PPP4R3A: variants seen among roughly 807,000 people sequenced by gnomAD.
PPP4R3A encodes serine/threonine-protein phosphatase 4 regulatory subunit 3A.
In PPP4R3A, 15 loss-of-function variants were observed where a neutral mutation model predicts 91.7. The observed-to-expected ratio is 0.16, with a 90% CI of 0.11 to 0.25. PPP4R3A has a LOEUF of 0.25. PPP4R3A is among the 10% of genes least tolerant of loss of function. PPP4R3A has a pLI of 1.00. For missense variants in PPP4R3A, 623 were observed against 998.4 expected, an observed-to-expected ratio of 0.62 and a Z score of 5.07; for synonymous variants, 377 against 348.7, an observed-to-expected ratio of 1.08 and a Z score of -0.91.
intron 2 of PPP4R3A, among the ~76,000 whole-genome samples, chr14:91,490,277 A>G (rs1890160923): frequency 6.6e-6 from 1 of 152,224 alleles, no homozygotes; most frequent in Non-Finnish European, 1.5e-5. Flanking sequence ...TGTACTGTGA[A>G]GTACAGTTAC....
intron 4 of PPP4R3A, among the ~76,000 whole-genome samples, chr14:91,481,344 TC>T (rs1464156903): frequency 6.6e-6 from 1 of 152,078 alleles, no homozygotes; most frequent in Non-Finnish European, 1.5e-5. Flanking sequence ...ATCCAAAAAA[TC>T]ATCCCCTCAT....
chr14:91,458,873 TTAAGAAA>T lies in PPP4R3A; in HGVS notation c.2392-11_2392-5del, dbSNP rs748955565. On this transcript the variant is annotated splice_polypyrimidine_tract_variant and splice_region_variant and intron_variant, in intron 14 of 14. Transcript: ENST00000554943. ...CTACCAGACCCACGAGGCCTCCCTG[TTAAGAAA>T]TAAGGATTATTTAAAGAACAGAAAA... The T allele has an allele frequency of 6.2e-7, 1 of 1,602,100 alleles. No homozygotes were observed. Among genetic ancestry groups the T allele is most frequent in the South Asian group, 1.1e-5 (1 of 89,554 alleles).
chr14:91,461,346 GA>G (rs761195752), intron 14 of PPP4R3A, 34 bp downstream of exon 14: 4 of 1,578,240 alleles, frequency 2.5e-6, no homozygotes, highest in South Asian at 1.1e-5. Flanking sequence ...CTTCAATTGG[GA>G]AAAAAGGGGG....
In PPP4R3A at chr14:91,485,515, C is replaced by G; in HGVS notation, c.297+117G>C. 5.7e-6 allele frequency: 4 copies of G among 699,954 alleles called. No homozygotes were observed. In the South Asian group the frequency reaches 5.7e-5, roughly 10 times the overall value. 43.4% of individuals were successfully genotyped at this position (699,954 alleles called of 1,614,324 possible). A position where few individuals can be genotyped will look rare whatever the true frequency, so the allele number is the denominator to read the frequency against. ...TCCTTTAAATCAAGTTCAAAGACAG[C>G]AGTGAATTTAAAAGATCAATTTGAA... On this transcript the variant is annotated intron_variant, in intron 3 of 14. Transcript: ENST00000554943.
At chr14:91,505,397 C>T (rs1273385177) in intron 1 of PPP4R3A, among the ~76,000 whole-genome samples, 2 of 151,168 alleles carry the variant, frequency 1.3e-5, no homozygotes, top group African/African-American at 4.9e-5. Flanking sequence ...TTGCAGTGAG[C>T]CAAGATGATG....
chr14:91,496,430 G>A (rs1208589045), intron 1 of PPP4R3A, among the ~76,000 whole-genome samples: 2 of 152,184 alleles, frequency 1.3e-5, no homozygotes, highest in African/African-American at 4.8e-5. Flanking sequence ...AAACACGGCA[G>A]TGCAGTGGTA....
chr14:91,473,848 T>TAC (rs34156708), intron 7 of PPP4R3A, among the ~76,000 whole-genome samples: 74,562 of 151,854 alleles, frequency 0.49, 18,615 homozygotes, highest in Admixed American at 0.53. Flanking sequence ...CTCGTCTTAC[T>TAC]AACCTCCACC....
intron 1 of PPP4R3A, among the ~76,000 whole-genome samples, chr14:91,500,786 C>G (rs559260142): frequency 1.3e-5 from 2 of 152,144 alleles, no homozygotes; most frequent in African/African-American, 4.8e-5. Flanking sequence ...CTTTGGAAAG[C>G]TGAGGTGGGT....
intron 1 of PPP4R3A, among the ~76,000 whole-genome samples, chr14:91,492,199 A>G (rs545182912): frequency 6.6e-6 from 1 of 152,114 alleles, no homozygotes; most frequent in Non-Finnish European, 1.5e-5. Flanking sequence ...CCTCTTATCA[A>G]CCAGTTCTAG....
chr14:91,496,783 C>T (rs1595083855), intron 1 of PPP4R3A, among the ~76,000 whole-genome samples: 1 of 152,088 alleles, frequency 6.6e-6, no homozygotes, highest in Non-Finnish European at 1.5e-5. Flanking sequence ...GCTAGAACAC[C>T]GGAAAGTCTT....
intron 3 of PPP4R3A, among the ~76,000 whole-genome samples, chr14:91,485,335 GAT>G (rs1305927359): frequency 6.6e-6 from 1 of 152,204 alleles, no homozygotes; most frequent in African/African-American, 2.4e-5. Context: ...AGATGGGATA[GAT>G]ATATGTGAGA....
intron 1 of PPP4R3A, 143 bp downstream of exon 1, chr14:91,509,363 G>A: frequency 2.5e-6 from 3 of 1,182,906 alleles, no homozygotes; most frequent in Non-Finnish European, 3.5e-6. Flanking sequence ...TGGGGTACCT[G>A]GGGCCCGTCC....
At position 91,459,110 on chromosome 14, in the gene PPP4R3A, A is replaced by AT. The variant is rs200397668; in HGVS notation, c.2392-242dup. 6.4e-3 allele frequency among the ~76,000 whole-genome samples: 970 copies of AT among 150,822 alleles called. 5 individuals carry two copies. Among genetic ancestry groups the AT allele is most frequent in the African/African-American group, 0.019 (786 of 41,120 alleles). On this transcript the variant is annotated intron_variant, in intron 14 of 14. Coordinates refer to ENST00000554943, the MANE Select transcript of PPP4R3A (RefSeq NM_001366432.2). Reference sequence around the variant, plus strand: ...TGAGTTAATTAGAATTAAAGCAAAAATTTTTTTTTTCCAAGTCGGAGTCTC... The same window carrying AT: ...TGAGTTAATTAGAATTAAAGCAAAAATTTTTTTTTTTCCAAGTCGGAGTCTC...
intron 10 of PPP4R3A, among the ~76,000 whole-genome samples, chr14:91,470,003 A>G (rs1255871168): frequency 6.6e-6 from 1 of 152,152 alleles, no homozygotes. Context: ...GCAAAAATGG[A>G]TATATATTCA....
At chr14:91,476,608 G>A (rs781176820) in intron 5 of PPP4R3A, 84 bp from the exon 6 acceptor site, 11 of 1,003,222 alleles carry the variant, frequency 1.1e-5, no homozygotes, top group Admixed American at 5.2e-5. Flanking sequence ...TCTTGTTGCC[G>A]ACGCTGGAGT....
At chr14:91,466,303 G>A in intron 10 of PPP4R3A, 1 of 985,782 alleles carries the variant, frequency 1.0e-6, no homozygotes, top group Non-Finnish European at 1.2e-6. Flanking sequence ...ATTAAATATT[G>A]TGTTTGTATT....
intron 6 of PPP4R3A, 68 bp from the exon 7 acceptor site, chr14:91,476,034 C>T: frequency 7.1e-7 from 1 of 1,407,324 alleles, no homozygotes; most frequent in Non-Finnish European, 9.4e-7. Flanking sequence ...ATGTAAATAT[C>T]CAAACCTAAC....
At chr14:91,478,342 G>C (rs534430042) in intron 4 of PPP4R3A, among the ~76,000 whole-genome samples, 1 of 152,210 alleles carries the variant, frequency 6.6e-6, no homozygotes, top group African/African-American at 2.4e-5. Context: ...AATGTTTATG[G>C]TACTACAAAG....
intron 10 of PPP4R3A, among the ~76,000 whole-genome samples, chr14:91,467,061 C>T (rs1429660147): frequency 6.6e-6 from 1 of 152,144 alleles, no homozygotes; most frequent in Non-Finnish European, 1.5e-5. Flanking sequence ...GCACTTCTTC[C>T]AGAGCACTTC....
Sources: gnomAD v4.1 joint callset for allele counts (sites outside exome capture counted in the v4.1 genomes callset) on GRCh38, gnomAD v4.1.1 for gene constraint, MANE v1.5 for transcripts, NCBI Gene and HGNC (gene_info 2026-07-23, HGNC 2026-07-21) for gene names.